MACF1: variants seen among roughly 807,000 people sequenced by gnomAD.
The protein encoded by MACF1 is microtubule actin crosslinking factor 1.
Under a neutral mutation model 854.8 loss-of-function variants are expected in MACF1, and 193 were observed. The observed-to-expected ratio is 0.23, with a 90% confidence interval of 0.20 to 0.25. MACF1 has a LOEUF of 0.25. MACF1 is among the 10% of genes least tolerant of loss of function. The pLI is 1.00. For missense variants in MACF1, 7,722 were observed against 8,929.1 expected, an observed-to-expected ratio of 0.86 and a Z score of 5.45; for synonymous variants, 3,185 against 3,226.7, an observed-to-expected ratio of 0.99 and a Z score of 0.44.
intron 2 of MACF1, among the ~76,000 whole-genome samples, chr1:39,097,858 G>A (rs1354929795): frequency 6.6e-6 from 1 of 152,204 alleles, no homozygotes; most frequent in Admixed American, 6.5e-5. Context: ...ACTCTCAAGG[G>A]CCTCTCCCGG....
In MACF1 at chr1:39,293,503, T is replaced by A; in HGVS notation, c.2038T>A (p.Phe680Ile). Residue 680 changes from phenylalanine (F) to isoleucine (I), a missense_variant, in exon 18 of 101, where the codon TTT (phenylalanine) becomes ATT (isoleucine). Transcript: ENST00000564288. The stretch of plus-strand genomic sequence containing the variant: ...GAGGCACCTTCAGAGCCTGCATAAA[T>A]TTGTTTCCAGAGCTACAGCTGAGTT... ...RMRHLQSLHK[F>I]VSRATAELIW... The A allele has an allele frequency of 6.2e-7, 1 of 1,614,016 alleles. No individual in the cohort carries two copies. The highest frequency in any genetic ancestry group is 8.5e-7 in the Non-Finnish European group (1 of 1,179,912).
rs200321927 is a variant in MACF1 at position 39,340,935 on chromosome 1, C to T, written c.10563C>T (p.Leu3521=). 3 of 1,608,100 alleles carry T rather than the reference C, an allele frequency of 1.9e-6. No individual in the cohort carries two copies. Among genetic ancestry groups the T allele is most frequent in the Non-Finnish European group, 2.5e-6 (3 of 1,178,072 alleles). ...NSEIDVDSLN[L]CLQQYEDLKQ... ...AAATAGATGTTGACAGCCTGAACCT[C>T]TGCCTCCAACAGTATGAGGTAAACT... The change falls in exon 40 of 101, where the codon CTC becomes CTT. Residue 3521 remains leucine (L), a synonymous_variant. Transcript: ENST00000564288.
In MACF1 at chr1:39,335,821, GTC is replaced by G; in HGVS notation, c.9237_9238del (p.Cys3080LeufsTer20). ...AATGAAGGAAAAGTAAACAATTTAA[GTC>G]TCTGCTTGACTTTAAAACCAGAAGA... On this transcript the variant is annotated frameshift_variant, in exon 37 of 101. Transcript: ENST00000564288. LOFTEE classifies it high-confidence loss of function. 1 of 1,614,144 alleles carries G rather than the reference GTC, an allele frequency of 6.2e-7. No individual in the cohort carries two copies. Among genetic ancestry groups the G allele is most frequent in the Non-Finnish European group, 8.5e-7 (1 of 1,180,016 alleles).
intron 54 of MACF1, among the ~76,000 whole-genome samples, chr1:39,379,903 A>G (rs753177016): frequency 6.6e-6 from 1 of 152,238 alleles, no homozygotes; most frequent in East Asian, 1.9e-4. Context: ...AAGTTTCACC[A>G]AAACTTTTAA....
intron 2 of MACF1, among the ~76,000 whole-genome samples, chr1:39,124,612 G>A (rs1220934254): frequency 6.6e-6 from 1 of 152,106 alleles, no homozygotes; most frequent in Non-Finnish European, 1.5e-5. Context: ...CTCTCAATGA[G>A]TACGTTTGTC....
intron 83 of MACF1, 39 bp downstream of exon 83, chr1:39,448,191 A>G: frequency 6.3e-7 from 1 of 1,584,724 alleles, no homozygotes; most frequent in South Asian, 1.1e-5. Context: ...AAGCCATAGT[A>G]TTCGCTAAAG....
chr1:39,411,631 G>A (rs1643010790), intron 58 of MACF1: 1 of 1,613,806 alleles, frequency 6.2e-7, no homozygotes, highest in South Asian at 1.1e-5. Context: ...TATTGATGCA[G>A]AACAGCTCTC....
At chr1:39,260,418 G>A (rs977756251) in intron 6 of MACF1, 1 of 150,124 alleles carries the variant, frequency 6.7e-6, no homozygotes, top group African/African-American at 2.5e-5. Context: ...AGGCTGGAGT[G>A]CAATGGCACC....
At position 39,105,526 on chromosome 1, in the gene MACF1, GACGCA is replaced by G; in HGVS notation, c.220+21089_220+21093del. 1 of 1,024,856 alleles carries G rather than the reference GACGCA, an allele frequency of 9.8e-7. No homozygotes were observed. Among genetic ancestry groups the G allele is most frequent in the Non-Finnish European group, 1.2e-6 (1 of 856,492 alleles). The allele number at this position is 1,024,856 out of a possible 1,614,324, so 63.5% of individuals were successfully genotyped here. On this transcript the variant is annotated intron_variant, in intron 2 of 93. Coordinates refer to the MACF1 transcript ENST00000361689. This position sits in a 1 kb window ranked among gnomAD's most constrained non-coding sequence, Gnocchi z 5.9. ...GCGAGGGCGCCGTCGCCGTCTCTGA[GACGCA>G]CAAAGGGTCGAGGCTGGGGCCGCCG...
chr1:39,230,345 C>T (rs1644764021), intron 1 of MACF1, among the ~76,000 whole-genome samples: 1 of 151,980 alleles, frequency 6.6e-6, no homozygotes, highest in African/African-American at 2.4e-5. Flanking sequence ...GTAGATTTGC[C>T]ATGTGGAAGG....
intron 2 of MACF1, among the ~76,000 whole-genome samples, chr1:39,232,579 T>G (rs1184519536): frequency 6.6e-6 from 1 of 152,226 alleles, no homozygotes; most frequent in East Asian, 1.9e-4. Flanking sequence ...GTATTCTTTT[T>G]GGGCAGTCTC....
chr1:39,427,685 G>A (rs1264718035), intron 62 of MACF1, 71 bp downstream of exon 62: 3 of 1,466,326 alleles, frequency 2.0e-6, no homozygotes, highest in East Asian at 4.5e-5. Flanking sequence ...TAAACTGCCT[G>A]CAGCATTCTA....
At chr1:39,477,075 A>ATATACAATTAGTG (rs1557675014) in intron 97 of MACF1, among the ~76,000 whole-genome samples, 1 of 51,308 alleles carries the variant, frequency 1.9e-5, no homozygotes, top group Non-Finnish European at 3.3e-5. Flanking sequence ...ATATATATAT[A>ATATACAATTAGTG]TATATATATA....
At chr1:39,464,877 G>C (rs1570176596) in intron 94 of MACF1, 1 of 500,196 alleles carries the variant, frequency 2.0e-6, no homozygotes, top group East Asian at 3.7e-5. Context: ...TCGCGCCACT[G>C]CACTCCAGCC....
chr1:39,430,128 GTT>G (rs1403402427), intron 65 of MACF1, 60 bp downstream of exon 65: 1 of 1,551,514 alleles, frequency 6.4e-7, no homozygotes, highest in East Asian at 2.2e-5. Flanking sequence ...GAATCCTTAA[GTT>G]TTATCAACCT....
intron 70 of MACF1, chr1:39,436,101 A>G (rs575782288): frequency 9.2e-5 from 37 of 402,526 alleles, no homozygotes; most frequent in Non-Finnish European, 1.5e-4. Flanking sequence ...TACTTATTGA[A>G]CCTGTTACTT....
At chr1:39,443,209 A>AT (rs1436073952) in intron 78 of MACF1, among the ~76,000 whole-genome samples, 8 of 152,210 alleles carry the variant, frequency 5.3e-5, no homozygotes, top group African/African-American at 1.9e-4. Context: ...TACCTTAATC[A>AT]ATAGTCAATT....
At chr1:39,234,669 C>T (rs1415181257) in intron 2 of MACF1, among the ~76,000 whole-genome samples, 2 of 112,732 alleles carry the variant, frequency 1.8e-5, no homozygotes, top group East Asian at 2.8e-4. Flanking sequence ...CCCTCCCAGA[C>T]GGGGTGGCTG....
At chr1:39,191,019 AAAC>A (rs1480959476) in intron 2 of MACF1, among the ~76,000 whole-genome samples, 2 of 152,008 alleles carry the variant, frequency 1.3e-5, no homozygotes, top group Admixed American at 1.3e-4. Flanking sequence ...AAAAACCCCA[AAAC>A]AACAACAACA....
Sources: gnomAD v4.1 joint callset for allele counts (sites outside exome capture counted in the v4.1 genomes callset) on GRCh38, gnomAD v4.1.1 for gene constraint, Gnocchi (gnomAD v3.1) non-coding constraint, MANE v1.5 for transcripts, NCBI Gene and HGNC (gene_info 2026-07-23, HGNC 2026-07-21) for gene names.